CDH23: variants seen among roughly 807,000 people sequenced by gnomAD.
The protein encoded by CDH23 is cadherin related 23.
In CDH23, 189 loss-of-function variants were observed where a neutral mutation model predicts 317.1. The ratio of observed to expected loss-of-function variants is 0.60; its 90% CI spans 0.53 to 0.67. CDH23 has a LOEUF of 0.67. Among genes scored for constraint, CDH23 ranks in the 30% least tolerant of loss-of-function variants. The pLI is 0.00. For missense variants in CDH23, 4,401 were observed against 4,592.4 expected (o/e 0.96, Z 1.20); for synonymous variants, 1,839 against 1,876.8 (o/e 0.98, Z 0.52).
At position 71,811,569 on chromosome 10, in the gene CDH23, T is replaced by C; in HGVS notation, c.9257T>C (p.Met3086Thr). ...LFLAAMLFVL[M>T]NWYYRTVHKR... Reference sequence around the variant, plus strand: ...CTGGCCGCCATGCTCTTTGTCCTCATGAACTGGTACTACAGGACTGTGTGA... The same window carrying C: ...CTGGCCGCCATGCTCTTTGTCCTCACGAACTGGTACTACAGGACTGTGTGA... The change falls in exon 64 of 70, where the codon ATG becomes ACG. Residue 3086 changes from methionine to threonine, a missense_variant. Coordinates refer to ENST00000224721, the MANE Select transcript of CDH23 (RefSeq NM_022124.6). 3 of 1,613,948 alleles carry C rather than the reference T, an allele frequency of 1.9e-6. No homozygotes were observed. The highest frequency in any genetic ancestry group is 2.5e-6 in the Non-Finnish European group (3 of 1,179,878).
chr10:71,713,359 TCA>T (rs1346514571), intron 28 of CDH23: 1 of 754,226 alleles, frequency 1.3e-6, no homozygotes, highest in Admixed American at 1.8e-5. Flanking sequence ...CCCAGAGGCC[TCA>T]GTTGCTGGGT....
At chr10:71,473,404 T>C (rs1851619629) in intron 3 of CDH23, among the ~76,000 whole-genome samples, 1 of 152,190 alleles carries the variant, frequency 6.6e-6, no homozygotes, top group African/African-American at 2.4e-5. Context: ...TATTTGCTGA[T>C]CACCTACTGT....
chr10:71,526,479 G>C (rs566673103), intron 6 of CDH23, among the ~76,000 whole-genome samples: 9 of 152,358 alleles, frequency 5.9e-5, no homozygotes, highest in Admixed American at 4.6e-4. Flanking sequence ...CTGAAGTTAG[G>C]GGCATGAAGG....
intron 6 of CDH23, among the ~76,000 whole-genome samples, chr10:71,539,662 T>G (rs146327719): frequency 1.3e-5 from 2 of 152,168 alleles, no homozygotes; most frequent in East Asian, 3.9e-4. Context: ...TCAAGCCCTC[T>G]CCCTCTCCTG....
chr10:71,682,767 C>T (rs1001331651), intron 18 of CDH23, among the ~76,000 whole-genome samples, 195 bp downstream of exon 18: 4 of 152,194 alleles, frequency 2.6e-5, no homozygotes, highest in Non-Finnish European at 4.4e-5. Context: ...ACTGCCTCCC[C>T]GCTTGGCCAG....
intron 11 of CDH23, among the ~76,000 whole-genome samples, chr10:71,630,358 G>T (rs1205582517): frequency 6.6e-6 from 1 of 152,150 alleles, no homozygotes; most frequent in African/African-American, 2.4e-5. Context: ...TCTGCCAGGG[G>T]TGGGGGTGGG....
intron 1 of CDH23, among the ~76,000 whole-genome samples, chr10:71,428,750 G>A (rs76268765): frequency 0.022 from 3,419 of 152,030 alleles, 139 homozygotes; most frequent in African/African-American, 0.078. Flanking sequence ...CACCAAGTTG[G>A]GCTAATTTTT....
At chr10:71,470,673 G>C (rs560890907) in intron 3 of CDH23, among the ~76,000 whole-genome samples, 46 of 152,110 alleles carry the variant, frequency 3.0e-4, no homozygotes, top group Middle Eastern at 3.4e-3. Context: ...ATGTTTTGTA[G>C]AGATGGGTGG....
intron 6 of CDH23, among the ~76,000 whole-genome samples, chr10:71,550,468 G>A (rs1174823346): frequency 2.7e-5 from 4 of 150,114 alleles, no homozygotes; most frequent in Non-Finnish European, 4.4e-5. Context: ...TGACACATGG[G>A]AGGATTACTT....
chr10:71,738,763 C>T, intron 35 of CDH23, 116 bp downstream of exon 35: 1 of 1,281,288 alleles, frequency 7.8e-7, no homozygotes. Context: ...TTCTTCCGGT[C>T]TCTGCCCCTG....
At chr10:71,473,725 T>C (rs1326984646) in intron 3 of CDH23, among the ~76,000 whole-genome samples, 2 of 152,266 alleles carry the variant, frequency 1.3e-5, no homozygotes, top group East Asian at 3.9e-4. Context: ...CCAACAATAT[T>C]ATGGATGATG....
intron 1 of CDH23, among the ~76,000 whole-genome samples, chr10:71,401,896 G>A (rs1847797931): frequency 6.6e-6 from 1 of 152,184 alleles, no homozygotes; most frequent in Non-Finnish European, 1.5e-5. Flanking sequence ...AACATTTATA[G>A]GCCATGTTTA....
At chr10:71,812,939 A>T (rs1337975979) in intron 68 of CDH23, 49 bp downstream of exon 68, 1 of 1,603,630 alleles carries the variant, frequency 6.2e-7, no homozygotes, top group East Asian at 2.2e-5. Context: ...CTGAGGTTGG[A>T]CCCCACTCCA....
At chr10:71,477,129 G>C (rs564762879) in intron 3 of CDH23, among the ~76,000 whole-genome samples, 1 of 152,326 alleles carries the variant, frequency 6.6e-6, no homozygotes, top group South Asian at 2.1e-4. Flanking sequence ...TGCAGATGTT[G>C]TGTGTCTGAG....
chr10:71,677,167 G>C (rs538587097), intron 15 of CDH23, among the ~76,000 whole-genome samples: 3 of 152,246 alleles, frequency 2.0e-5, no homozygotes, highest in Non-Finnish European at 4.4e-5. Context: ...ATCTGCAGTA[G>C]GTAGGAACTC....
chr10:71,743,838 G>A (rs917623880), intron 38 of CDH23, among the ~76,000 whole-genome samples: 1 of 152,226 alleles, frequency 6.6e-6, no homozygotes, highest in Non-Finnish European at 1.5e-5. Flanking sequence ...AAATTCTACA[G>A]AGAATGTGGA....
At chr10:71,547,454 C>T (rs1188604665) in intron 6 of CDH23, among the ~76,000 whole-genome samples, 1 of 152,164 alleles carries the variant, frequency 6.6e-6, no homozygotes, top group African/African-American at 2.4e-5. Context: ...GGCCAGGCAG[C>T]GCAGGTGTGG....
chr10:71,653,781 T>A (rs1265842790), intron 14 of CDH23, among the ~76,000 whole-genome samples: 2 of 152,174 alleles, frequency 1.3e-5, no homozygotes, highest in Non-Finnish European at 2.9e-5. Flanking sequence ...TGACCCTCAG[T>A]CTCCAGAGTG....
At chr10:71,596,868 C>T (rs1374855535) in intron 9 of CDH23, among the ~76,000 whole-genome samples, 3 of 152,182 alleles carry the variant, frequency 2.0e-5, no homozygotes, top group African/African-American at 7.2e-5. Flanking sequence ...CCCAGCCCGC[C>T]CCAGGGCCTG....
Sources: allele counts gnomAD v4.1 joint callset (sites outside exome capture counted in the v4.1 genomes callset), GRCh38; gene constraint gnomAD v4.1.1; transcripts MANE v1.5; gene names NCBI Gene and HGNC (gene_info 2026-07-23, HGNC 2026-07-21).